The following CELSR1 variants were observed in gnomAD, a reference collection of about 807,000 sequenced individuals.
CELSR1 encodes the protein cadherin EGF LAG seven-pass G-type receptor 1, also known as adhesion G protein-coupled receptor C1.
In CELSR1, 110 loss-of-function variants were observed where a neutral mutation model predicts 249.1. The ratio of observed to expected loss-of-function variants is 0.44; its 90% CI spans 0.38 to 0.52. The LOEUF (loss-of-function observed/expected upper bound fraction) is 0.52. CELSR1 is among the 20% of genes least tolerant of loss of function. The pLI, the probability that CELSR1 is intolerant of heterozygous loss-of-function variation, is 0.00. For synonymous variants in CELSR1, 2,113 were observed against 1,900.0 expected (o/e 1.11, Z -2.92); for missense variants, 4,109 against 4,296.4 (o/e 0.96, Z 1.22).
rs1393779589 is a variant in CELSR1, at chr22:46,430,572, C to T, written c.4611+2821G>A. Reference sequence around the variant, plus strand: ...CAACGCCTCCTCCTCCTGGGGGTCCCCTCCCACCCTGAGCCTGTCGTCTTC... The same window carrying T: ...CAACGCCTCCTCCTCCTGGGGGTCCTCTCCCACCCTGAGCCTGTCGTCTTC... On this transcript the variant is annotated intron_variant, in intron 5 of 34. Coordinates refer to ENST00000674500, the MANE Select transcript of CELSR1 (RefSeq NM_001378328.1). This position sits in a 1 kb window ranked among gnomAD's most constrained non-coding sequence, Gnocchi z 4.6. 2.0e-5 allele frequency among the ~76,000 whole-genome samples: 3 copies of T among 152,134 alleles called. No individual in the cohort carries two copies. The highest frequency in any genetic ancestry group is 7.2e-5 in the African/African-American group (3 of 41,398).
chr22:46,364,427 C>T, intron 33 of CELSR1, 85 bp downstream of exon 33: 2 of 1,515,168 alleles, frequency 1.3e-6, no homozygotes, highest in Non-Finnish European at 8.9e-7. Flanking sequence ...CCCCACCAGC[C>T]CCAGCCCCAC....
At chr22:46,510,729 T>C (rs1180075193) in intron 1 of CELSR1, among the ~76,000 whole-genome samples, 1 of 152,230 alleles carries the variant, frequency 6.6e-6, no homozygotes, top group Non-Finnish European at 1.5e-5. Context: ...TTCTAGAGTG[T>C]GTGTGCTTAT....
intron 3 of CELSR1, 33 bp downstream of exon 3, chr22:46,439,156 A>AC (rs1006361864): frequency 3.8e-6 from 6 of 1,581,912 alleles, no homozygotes; most frequent in South Asian, 1.1e-5. Context: ...TCCTAAAGAG[A>AC]CCCCCGTGTG....
chr22:46,516,304 G>A (rs1224746190), intron 1 of CELSR1, among the ~76,000 whole-genome samples: 1 of 152,140 alleles, frequency 6.6e-6, no homozygotes, highest in Non-Finnish European at 1.5e-5. Flanking sequence ...CATGTCCTTT[G>A]TAAGGACATG....
intron 2 of CELSR1, among the ~76,000 whole-genome samples, chr22:46,457,436 C>T (rs2079969358): frequency 6.6e-6 from 1 of 152,176 alleles, no homozygotes; most frequent in Admixed American, 6.5e-5. Context: ...AGCCCCGGCC[C>T]ACTGGCGCAC....
intron 2 of CELSR1, chr22:46,462,787 A>G: frequency 2.8e-6 from 1 of 351,970 alleles, no homozygotes; most frequent in Non-Finnish European, 5.7e-6. Flanking sequence ...GTGTTTCTGT[A>G]CCGCTCTCGG....
intron 2 of CELSR1, among the ~76,000 whole-genome samples, chr22:46,460,201 A>C (rs376476655): frequency 1.6e-5 from 2 of 124,496 alleles, no homozygotes; most frequent in African/African-American, 6.6e-5. Flanking sequence ...ACACACACAC[A>C]CACACACACA....
chr22:46,489,538 G>C (rs989442916), intron 1 of CELSR1, among the ~76,000 whole-genome samples: 2 of 152,042 alleles, frequency 1.3e-5, no homozygotes, highest in African/African-American at 4.8e-5. Context: ...CTAACTAAGA[G>C]GAGAGACATG....
In CELSR1 at chr22:46,446,884, C is replaced by T. The variant is rs966636964; in HGVS notation, c.4184-7473G>A. 1.3e-5 allele frequency among the ~76,000 whole-genome samples: 2 copies of T among 152,052 alleles called. No individual in the cohort carries two copies. The highest frequency in any genetic ancestry group is 2.4e-5 in the African/African-American group (1 of 41,368). On this transcript the variant is annotated intron_variant, in intron 2 of 34. Transcript: ENST00000674500. The surrounding 1 kb of genome is among the most constrained non-coding windows in gnomAD (Gnocchi z 5.5). Reference sequence around the variant, plus strand: ...TGGGTTCTGGATGAACTGGACCAGCCGGGGAAGGTCCTGTCCCTGTGTTCC... The same window carrying T: ...TGGGTTCTGGATGAACTGGACCAGCTGGGGAAGGTCCTGTCCCTGTGTTCC...
rs1250238927 is a variant in CELSR1 at position 46,440,794 on chromosome 22, TTGTC to T, written c.4184-1387_4184-1384del. ...GTATTTGTAGCCCCACAGAAATTTT[TTGTC>T]TGTATGTGATCATATTTATCCATTT... is the stretch of plus-strand genomic sequence containing the variant. On this transcript the variant is annotated intron_variant, in intron 2 of 34. Transcript: ENST00000674500. This position sits in a 1 kb window ranked among gnomAD's most constrained non-coding sequence, Gnocchi z 4.7. 6.6e-6 allele frequency among the ~76,000 whole-genome samples: 1 copy of T among 152,222 alleles called. No individual in the cohort carries two copies. The highest frequency in any genetic ancestry group is 2.4e-5 in the African/African-American group (1 of 41,456).
chr22:46,400,065 C>T, intron 9 of CELSR1, 163 bp from the exon 10 acceptor site: 2 of 698,208 alleles, frequency 2.9e-6, no homozygotes, highest in Non-Finnish European at 4.7e-6. Flanking sequence ...TGCGGTGGCT[C>T]AGGCCTGTAA....
chr22:46,414,376 C>T (rs964354167), intron 5 of CELSR1, among the ~76,000 whole-genome samples: 10 of 152,206 alleles, frequency 6.6e-5, no homozygotes, highest in East Asian at 1.9e-4. Flanking sequence ...CACAGAGGAG[C>T]GGGGGGATCT....
rs2079080428 is a variant in CELSR1, at chr22:46,390,661, G to A, written c.6251-175C>T. Among the ~76,000 whole-genome samples, 1 of 152,306 alleles carries A rather than the reference G, an allele frequency of 6.6e-6. No homozygotes were observed. Among genetic ancestry groups the A allele is most frequent in the East Asian group, 1.9e-4 (1 of 5,180 alleles). On this transcript the variant is annotated intron_variant, in intron 16 of 34. Coordinates refer to ENST00000674500, the MANE Select transcript of CELSR1 (RefSeq NM_001378328.1). The surrounding 1 kb of genome is among the most constrained non-coding windows in gnomAD (Gnocchi z 6.3). ...CCTCTTTCATGTCAGGGCCACGGCC[G>A]AAGCTGCTCTGACACTGACAACCAG...
chr22:46,504,071 A>C (rs949175687), intron 1 of CELSR1, among the ~76,000 whole-genome samples: 6 of 152,214 alleles, frequency 3.9e-5, no homozygotes, highest in African/African-American at 1.4e-4. Context: ...TAAGACCTAC[A>C]TGGCAAAAGA....
chr22:46,424,585 G>A (rs943506112), intron 5 of CELSR1, among the ~76,000 whole-genome samples: 4 of 152,122 alleles, frequency 2.6e-5, no homozygotes, highest in African/African-American at 9.7e-5. Flanking sequence ...GACCCTGCCT[G>A]TGTCCTATCA....
intron 5 of CELSR1, among the ~76,000 whole-genome samples, chr22:46,419,230 G>A (rs920983842): frequency 2.0e-5 from 3 of 152,182 alleles, no homozygotes; most frequent in Non-Finnish European, 4.4e-5. Flanking sequence ...ATGGGGATTT[G>A]CTCAGAGGGG....
chr22:46,395,535 C>T lies in CELSR1; in HGVS notation c.5843+1070G>A, dbSNP rs540611302. 1.9e-4 allele frequency among the ~76,000 whole-genome samples: 29 copies of T among 152,324 alleles called. No individual in the cohort carries two copies. The highest frequency in any genetic ancestry group is 1.7e-3 in the East Asian group (9 of 5,180). On this transcript the variant is annotated intron_variant, in intron 13 of 34. Coordinates refer to ENST00000674500, the MANE Select transcript of CELSR1 (RefSeq NM_001378328.1). The surrounding 1 kb of genome is among the most constrained non-coding windows in gnomAD (Gnocchi z 5.5). ...CTCCACTCCCAGGGCACCTCCGCGGCGCTCTCCCTGGCATCACATCTTGCT... is the reference window on the plus strand; with the variant it reads ...CTCCACTCCCAGGGCACCTCCGCGGTGCTCTCCCTGGCATCACATCTTGCT...
In CELSR1 at chr22:46,471,853, C is replaced by T. The variant is rs1179744424; in HGVS notation, c.3545-7508G>A. On this transcript the variant is annotated intron_variant, in intron 1 of 34. Coordinates refer to ENST00000674500, the MANE Select transcript of CELSR1 (RefSeq NM_001378328.1). This position sits in a 1 kb window ranked among gnomAD's most constrained non-coding sequence, Gnocchi z 4.9. ...TGCACCGTGGTGGCTTCCAGCCTTC[C>T]CTGGGTCTGGGACCTGTACAGTTTT... Among the ~76,000 whole-genome samples the T allele has an allele frequency of 6.6e-6, 1 of 152,208 alleles. No individual in the cohort carries two copies. Among genetic ancestry groups the T allele is most frequent in the Admixed American group, 6.5e-5 (1 of 15,276 alleles).
At chr22:46,421,221 G>A (rs550811955) in intron 5 of CELSR1, among the ~76,000 whole-genome samples, 4 of 152,252 alleles carry the variant, frequency 2.6e-5, no homozygotes, top group South Asian at 4.2e-4. Flanking sequence ...GGGTAGAGGC[G>A]GGAAAGGCCA....
Sources: allele counts gnomAD v4.1 joint callset (sites outside exome capture counted in the v4.1 genomes callset), GRCh38; gene constraint gnomAD v4.1.1; non-coding constraint Gnocchi (gnomAD v3.1); transcripts MANE v1.5; gene names NCBI Gene and HGNC (gene_info 2026-07-23, HGNC 2026-07-21).